Variants in CDKAL1 observed in about 807,000 individuals in gnomAD.
CDKAL1 encodes threonylcarbamoyladenosine tRNA methylthiotransferase.
A neutral mutation model predicts 68.2 loss-of-function variants in CDKAL1; 32 were observed. The observed-to-expected ratio is 0.47, with a 90% CI of 0.35 to 0.63. The LOEUF (loss-of-function observed/expected upper bound fraction) is 0.63, where lower values mean the gene tolerates loss of function less well. CDKAL1 is among the 30% of genes least tolerant of loss of function. The pLI, the probability that CDKAL1 is intolerant of heterozygous loss-of-function variation, is 0.00. For synonymous variants in CDKAL1, 234 were observed against 244.3 expected (o/e 0.96, Z 0.39); for missense variants, 606 against 696.7 (o/e 0.87, Z 1.47).
intron 11 of CDKAL1, among the ~76,000 whole-genome samples, chr6:21,056,654 T>C (rs975269972): frequency 2.0e-5 from 3 of 152,294 alleles, no homozygotes; most frequent in African/African-American, 7.2e-5. Flanking sequence ...ATATTGGCTG[T>C]GGGTTTGTCA....
chr6:21,004,849 C>A (rs1416731732), intron 11 of CDKAL1, among the ~76,000 whole-genome samples: 2 of 151,992 alleles, frequency 1.3e-5, no homozygotes, highest in African/African-American at 2.4e-5. Context: ...GTAGTCTCAA[C>A]TACTAGGGAG....
At chr6:21,081,744 G>A (rs1349446481) in intron 12 of CDKAL1, among the ~76,000 whole-genome samples, 2 of 150,560 alleles carry the variant, frequency 1.3e-5, no homozygotes, top group Non-Finnish European at 3.0e-5. Context: ...GCTAATTTTT[G>A]TATTTTTTTT....
At chr6:20,754,740 G>C (rs1458468404) in intron 6 of CDKAL1, among the ~76,000 whole-genome samples, 1 of 152,120 alleles carries the variant, frequency 6.6e-6, no homozygotes, top group Non-Finnish European at 1.5e-5. Context: ...CTCATTTTCT[G>C]TGTTGTCATG....
chr6:20,640,934 A>G (rs2127751236), intron 4 of CDKAL1, among the ~76,000 whole-genome samples: 1 of 152,364 alleles, frequency 6.6e-6, no homozygotes, highest in East Asian at 1.9e-4. Flanking sequence ...ATTGCTGGAT[A>G]TATAATAGGT....
intron 5 of CDKAL1, among the ~76,000 whole-genome samples, chr6:20,683,783 G>T (rs1012419090): frequency 1.3e-5 from 2 of 152,152 alleles, no homozygotes; most frequent in Non-Finnish European, 1.5e-5. Context: ...ATTTTCTATG[G>T]ATTTTGACAA....
intron 9 of CDKAL1, among the ~76,000 whole-genome samples, chr6:20,857,399 A>C (rs181488924): frequency 2.2e-4 from 34 of 152,328 alleles, no homozygotes; most frequent in Non-Finnish European, 2.9e-5. Flanking sequence ...GTCCACATAG[A>C]TCTTTCTGAT....
chr6:20,705,914 TC>T lies in CDKAL1; in HGVS notation c.372-33604del, dbSNP rs1281340152. 2.6e-5 allele frequency among the ~76,000 whole-genome samples: 4 copies of T among 152,332 alleles called. No homozygotes were observed. In the East Asian group the frequency reaches 7.7e-4, roughly 29 times the overall value. ...GTGTGGTGGGTCTGGTAGTATGTGTTCATAGCGGGGTTGCTTTATGAGTAGG... is the reference window on the plus strand; with the variant it reads ...GTGTGGTGGGTCTGGTAGTATGTGTTATAGCGGGGTTGCTTTATGAGTAGG... On this transcript the variant is annotated intron_variant, in intron 5 of 15. Transcript: ENST00000274695.
intron 12 of CDKAL1, among the ~76,000 whole-genome samples, chr6:21,067,200 C>A (rs1340817394): frequency 2.0e-5 from 3 of 152,040 alleles, no homozygotes; most frequent in African/African-American, 7.2e-5. Flanking sequence ...CATTTACTGT[C>A]CTCTCCCCCT....
chr6:20,830,603 T>C (rs530552592), intron 8 of CDKAL1, among the ~76,000 whole-genome samples: 1 of 152,150 alleles, frequency 6.6e-6, no homozygotes, highest in South Asian at 2.1e-4. Flanking sequence ...CCCAATAGCA[T>C]GGGTAATGTT....
chr6:20,832,709 A>T (rs1777769782), intron 8 of CDKAL1, among the ~76,000 whole-genome samples: 1 of 152,084 alleles, frequency 6.6e-6, no homozygotes. Context: ...TTTGGCAAAC[A>T]CCATTTACTT....
intron 9 of CDKAL1, among the ~76,000 whole-genome samples, chr6:20,877,898 C>A (rs1207514503): frequency 6.6e-6 from 1 of 152,166 alleles, no homozygotes; most frequent in Non-Finnish European, 1.5e-5. Flanking sequence ...GCCCTAACCA[C>A]CCCACTTCCT....
rs115798358 is a variant in CDKAL1, at chr6:20,847,281, A to G, written c.742+1103A>G. 2.5e-3 allele frequency among the ~76,000 whole-genome samples: 374 copies of G among 152,302 alleles called. 3 individuals carry two copies. The highest frequency in any genetic ancestry group is 8.6e-3 in the African/African-American group (357 of 41,562). The stretch of plus-strand genomic sequence containing the variant: ...CCTTTTACAGCCAGATTATTGTCTA[A>G]TCTAAGAAAAAGCCTGGGTGGTTGT... On this transcript the variant is annotated intron_variant, in intron 9 of 15. Transcript: ENST00000274695.
At chr6:20,808,134 T>C (rs1776649933) in intron 8 of CDKAL1, among the ~76,000 whole-genome samples, 1 of 152,230 alleles carries the variant, frequency 6.6e-6, no homozygotes, top group Non-Finnish European at 1.5e-5. Flanking sequence ...CATATGTCAA[T>C]ATTAGCAGAT....
At chr6:21,057,292 T>G (rs1770887216) in intron 11 of CDKAL1, among the ~76,000 whole-genome samples, 1 of 152,208 alleles carries the variant, frequency 6.6e-6, no homozygotes, top group Non-Finnish European at 1.5e-5. Flanking sequence ...CTTCTAGATT[T>G]TCTAGTTCAT....
At chr6:21,191,116 G>A (rs1413837187) in intron 13 of CDKAL1, among the ~76,000 whole-genome samples, 2 of 152,212 alleles carry the variant, frequency 1.3e-5, no homozygotes, top group African/African-American at 2.4e-5. Context: ...ATACCCTGAT[G>A]TCTTTGTTTA....
At chr6:21,009,443 A>G (rs999907321) in intron 11 of CDKAL1, among the ~76,000 whole-genome samples, 6 of 152,182 alleles carry the variant, frequency 3.9e-5, no homozygotes, top group Non-Finnish European at 7.3e-5. Flanking sequence ...GAGGGGATCA[A>G]TAAAGAAGCT....
intron 13 of CDKAL1, among the ~76,000 whole-genome samples, chr6:21,152,435 A>C (rs1038910192): frequency 2.0e-5 from 3 of 152,226 alleles, no homozygotes; most frequent in Admixed American, 6.5e-5. Context: ...CTCTTGAGTA[A>C]GATGAAGTTC....
intron 5 of CDKAL1, among the ~76,000 whole-genome samples, chr6:20,650,197 C>G (rs1328822095): frequency 1.3e-5 from 2 of 152,094 alleles, no homozygotes; most frequent in African/African-American, 2.4e-5. Context: ...TAAAAGTGTT[C>G]CTATTTATCC....
rs1262274086 is a variant in CDKAL1, at chr6:21,103,558, AC to A, written c.1237-4841del. Among the ~76,000 whole-genome samples, 3 of 152,180 alleles carry A rather than the reference AC, an allele frequency of 2.0e-5. No homozygotes were observed. The East Asian group carries it at 5.8e-4, about 29-fold the overall frequency. On this transcript the variant is annotated intron_variant, in intron 12 of 15. Transcript: ENST00000274695. ...AGATTCTCGGGAATCTAGAAGTTTT[AC>A]CAAACATGCATACTGCCTCATTTTT... is the stretch of plus-strand genomic sequence containing the variant.
Sources: gnomAD v4.1 joint callset for allele counts (sites outside exome capture counted in the v4.1 genomes callset) on GRCh38, gnomAD v4.1.1 for gene constraint, MANE v1.5 for transcripts, NCBI Gene and HGNC (gene_info 2026-07-23, HGNC 2026-07-21) for gene names.